Variants in ERBB4 observed in about 807,000 individuals in gnomAD.
The protein encoded by ERBB4 is receptor tyrosine-protein kinase erbB-4.
In ERBB4, 42 loss-of-function variants were observed where a neutral mutation model predicts 158.0. The observed-to-expected ratio is 0.27, with a 90% confidence interval of 0.21 to 0.34. ERBB4 has a LOEUF of 0.34. Ranked by LOEUF, ERBB4 falls within the 10% of genes least tolerant of loss-of-function variation. The pLI is 1.00. For synonymous variants in ERBB4, 583 were observed against 558.7 expected (o/e 1.04, Z -0.61); for missense variants, 1,333 against 1,624.1 (o/e 0.82, Z 3.08).
chr2:211,987,330 C>CAAAAAA lies in ERBB4; in HGVS notation c.235-39720_235-39715dup, dbSNP rs564412801. Among the ~76,000 whole-genome samples the CAAAAAA allele has an allele frequency of 4.0e-3, 225 of 56,138 alleles. 1 individual carries two copies. The highest frequency in any genetic ancestry group is 1.0e-2 in the South Asian group (13 of 1,304). The allele number at this position is 56,138 out of a possible 152,430, so 36.8% of individuals were successfully genotyped here. A position where few individuals can be genotyped will look rare whatever the true frequency, so the allele number is the denominator to read the frequency against. On this transcript the variant is annotated intron_variant, in intron 2 of 27. Transcript: ENST00000342788. ...AGGGAGACTCCATCTCAAGAAAAGA[C>CAAAAAA]AAAAAAAAAAAAAAGAAAGAAATCT...
chr2:212,310,271 A>G (rs2371479), intron 1 of ERBB4, among the ~76,000 whole-genome samples: 144,151 of 150,476 alleles, frequency 0.96, 69,117 homozygotes, highest in African/African-American at 0.99. Flanking sequence ...TCATCACCTT[A>G]AACACTGTTA....
chr2:212,538,465 G>C lies in ERBB4; in HGVS notation c.66C>G (p.Pro22=). The change falls in exon 1 of 28, where the codon CCC becomes CCG. Residue 22 remains proline (P), a synonymous_variant. Transcript: ENST00000342788. ...GGAACCCACCTGACTGAGAATCGCT[G>C]GGCTGGACGGTCCCCGCCGCCACGA... is the stretch of plus-strand genomic sequence containing the variant. The part of the protein sequence containing the change: ...SLLVAAGTVQ[P]SDSQSVCAGT... 6.2e-7 allele frequency: 1 copy of C among 1,613,912 alleles called. No homozygotes were observed. The highest frequency in any genetic ancestry group is 2.2e-5 in the East Asian group (1 of 44,838).
At chr2:212,074,333 T>A (rs557536177) in intron 2 of ERBB4, among the ~76,000 whole-genome samples, 2 of 152,096 alleles carry the variant, frequency 1.3e-5, no homozygotes, top group Admixed American at 1.3e-4. Context: ...TCACTAAACA[T>A]AAAATAAAGA....
At chr2:211,903,048 CTCT>C (rs1023602096) in intron 3 of ERBB4, among the ~76,000 whole-genome samples, 3 of 151,870 alleles carry the variant, frequency 2.0e-5, no homozygotes, top group African/African-American at 7.2e-5. Flanking sequence ...TCATATATAG[CTCT>C]TCTATTGCAT....
rs1435419609 is a variant in ERBB4 at position 211,424,191 on chromosome 2, T to C, written c.2830A>G (p.Ile944Val). 2 of 1,613,442 alleles carry C rather than the reference T, an allele frequency of 1.2e-6. No homozygotes were observed. The highest frequency in any genetic ancestry group is 4.5e-5 in the East Asian group (2 of 44,840). Reference sequence around the variant, plus strand: ...ACCATGTAAACGTCAATAGTGCAGATGGGAGGCTGAGGCAAACGTTCTCCT... The same window carrying C: ...ACCATGTAAACGTCAATAGTGCAGACGGGAGGCTGAGGCAAACGTTCTCCT... ...EKGERLPQPPICTIDVYMVMV... is the reference protein window; with the variant it reads ...EKGERLPQPPVCTIDVYMVMV... Residue 944 changes from isoleucine (I) to valine (V), a missense_variant, in exon 23 of 28, where the codon ATC (isoleucine) becomes GTC (valine). Coordinates refer to ENST00000342788, the MANE Select transcript of ERBB4 (RefSeq NM_005235.3).
intron 7 of ERBB4, among the ~76,000 whole-genome samples, chr2:211,714,447 G>A (rs1174991298): frequency 1.3e-5 from 2 of 152,282 alleles, no homozygotes; most frequent in African/African-American, 4.8e-5. Context: ...GGTGCCCAAA[G>A]CAGAAACGGC....
At chr2:211,674,970 G>A (rs1424998055) in intron 13 of ERBB4, among the ~76,000 whole-genome samples, 1 of 152,156 alleles carries the variant, frequency 6.6e-6, no homozygotes, top group African/African-American at 2.4e-5. Context: ...CAATCATGGA[G>A]ATGGCCTATT....
At chr2:211,541,511 T>G (rs1464850607) in intron 20 of ERBB4, among the ~76,000 whole-genome samples, 1 of 152,034 alleles carries the variant, frequency 6.6e-6, no homozygotes, top group Non-Finnish European at 1.5e-5. Flanking sequence ...ATCATGTAGC[T>G]GCTGCCCTTT....
At chr2:212,377,256 AC>A (rs2106402236) in intron 1 of ERBB4, among the ~76,000 whole-genome samples, 1 of 148,400 alleles carries the variant, frequency 6.7e-6, no homozygotes, top group South Asian at 2.1e-4. Flanking sequence ...AAATATATAT[AC>A]AAAAATATAT....
chr2:212,194,184 C>T (rs888821869), intron 1 of ERBB4, among the ~76,000 whole-genome samples: 7 of 151,280 alleles, frequency 4.6e-5, no homozygotes, highest in Non-Finnish European at 8.8e-5. Flanking sequence ...ATCTGCAAGA[C>T]GGACAGAATA....
intron 1 of ERBB4, among the ~76,000 whole-genome samples, chr2:212,424,305 G>T (rs898553172): frequency 1.3e-5 from 2 of 152,006 alleles, no homozygotes; most frequent in Non-Finnish European, 1.5e-5. Context: ...CTGGTACTGT[G>T]TCTGGACCTT....
chr2:211,508,661 A>T (rs1256879370), intron 20 of ERBB4, among the ~76,000 whole-genome samples: 1 of 152,188 alleles, frequency 6.6e-6, no homozygotes, highest in African/African-American at 2.4e-5. Flanking sequence ...ATTCTACTAT[A>T]AAGTCACATG....
intron 3 of ERBB4, among the ~76,000 whole-genome samples, chr2:211,893,229 A>G (rs2079014313): frequency 6.9e-6 from 1 of 144,956 alleles, no homozygotes; most frequent in Admixed American, 6.8e-5. Context: ...TCAATGGAAC[A>G]GAACAGAGCC....
At chr2:212,179,679 T>C (rs2081793765) in intron 1 of ERBB4, among the ~76,000 whole-genome samples, 3 of 151,560 alleles carry the variant, frequency 2.0e-5, no homozygotes. Flanking sequence ...AGTGCTAATA[T>C]GAATGTAACT....
chr2:211,768,154 A>G (rs1473255497), intron 4 of ERBB4, among the ~76,000 whole-genome samples: 1 of 152,208 alleles, frequency 6.6e-6, no homozygotes, highest in Non-Finnish European at 1.5e-5. Flanking sequence ...GTCAACCATT[A>G]AAACTCTGTA....
At chr2:212,300,081 C>T (rs1156543985) in intron 1 of ERBB4, among the ~76,000 whole-genome samples, 1 of 151,544 alleles carries the variant, frequency 6.6e-6, no homozygotes, top group Non-Finnish European at 1.5e-5. Flanking sequence ...TTAGTTCGCC[C>T]AAGCAGTAGC....
At chr2:211,944,672 C>T (rs1052971248) in intron 3 of ERBB4, among the ~76,000 whole-genome samples, 2 of 152,092 alleles carry the variant, frequency 1.3e-5, no homozygotes, top group African/African-American at 4.8e-5. Context: ...TATTGTGCTA[C>T]CATTTCTTGG....
intron 22 of ERBB4, among the ~76,000 whole-genome samples, chr2:211,427,164 A>T (rs987997213): frequency 6.6e-6 from 1 of 152,026 alleles, no homozygotes; most frequent in African/African-American, 2.4e-5. Context: ...AAGATAGTTA[A>T]TTTTTTCCTA....
chr2:211,925,934 C>G (rs2080009952), intron 3 of ERBB4, among the ~76,000 whole-genome samples: 2 of 151,834 alleles, frequency 1.3e-5, no homozygotes, highest in Admixed American at 1.3e-4. Flanking sequence ...ACTCCCTTGC[C>G]CCAATTAAGT....
Sources: allele counts gnomAD v4.1 joint callset (sites outside exome capture counted in the v4.1 genomes callset), GRCh38; gene constraint gnomAD v4.1.1; transcripts MANE v1.5; gene names NCBI Gene and HGNC (gene_info 2026-07-23, HGNC 2026-07-21).